TMEM164: variants seen among roughly 807,000 people sequenced by gnomAD.
TMEM164 encodes the protein transmembrane protein 164.
A neutral mutation model predicts 18.8 loss-of-function variants in TMEM164; 4 were observed. The observed-to-expected ratio is 0.21, with a 90% CI of 0.10 to 0.49. The LOEUF is 0.49. TMEM164 is among the 20% of genes least tolerant of loss of function. The pLI is 0.98. For synonymous variants in TMEM164, 86 were observed against 101.7 expected, an observed-to-expected ratio of 0.85 and a Z score of 0.93; for missense variants, 108 against 239.9, an observed-to-expected ratio of 0.45 and a Z score of 3.63.
intron 4 of TMEM164, among the ~76,000 whole-genome samples, chrX:110,128,091 G>A (rs2066560781): frequency 8.9e-6 from 1 of 112,519 alleles, no homozygotes; most frequent in Non-Finnish European, 1.9e-5. Context: ...AGACCTATAA[G>A]TCTCAACTAA....
At chrX:110,022,779 C>A (rs749464867) in intron 2 of TMEM164, among the ~76,000 whole-genome samples, 2 of 112,239 alleles carry the variant, frequency 1.8e-5, no homozygotes, top group Non-Finnish European at 1.9e-5. Flanking sequence ...AACTTATTAT[C>A]AAGGCTCATT....
In TMEM164 at chrX:110,024,689, G is replaced by C. The variant is rs192107391; in HGVS notation, c.390+20525G>C. 2.8e-3 allele frequency among the ~76,000 whole-genome samples: 310 copies of C among 112,116 alleles called. 3 individuals carry two copies. Among genetic ancestry groups the C allele is most frequent in the African/African-American group, 1.0e-2 (308 of 30,868 alleles). On this transcript the variant is annotated intron_variant, in intron 2 of 6. Coordinates refer to ENST00000372068, the MANE Select transcript of TMEM164 (RefSeq NM_032227.4). The stretch of plus-strand genomic sequence containing the variant: ...AGGGCACTTAAATACGAGATGCCAT[G>C]TTTTATGGCTCTGTGTGAGAATTAG...
chrX:110,025,198 G>A (rs1254158374), intron 2 of TMEM164, among the ~76,000 whole-genome samples: 2 of 111,429 alleles, frequency 1.8e-5, no homozygotes, highest in Non-Finnish European at 3.8e-5. Flanking sequence ...CTATTAGAAG[G>A]AACAAAATTA....
chrX:110,033,163 G>A (rs73636932), intron 2 of TMEM164, among the ~76,000 whole-genome samples: 3,985 of 111,338 alleles, frequency 0.036, 164 homozygotes, highest in African/African-American at 0.12. Context: ...CTAACCAATA[G>A]AAGACAATAT....
intron 4 of TMEM164, among the ~76,000 whole-genome samples, chrX:110,138,932 A>C (rs1490252472): frequency 2.7e-5 from 3 of 111,799 alleles, no homozygotes; most frequent in East Asian, 2.8e-4. Flanking sequence ...CCTCAACAAA[A>C]GCAATTTGAG....
chrX:110,039,671 G>A (rs1161005984), intron 2 of TMEM164, among the ~76,000 whole-genome samples: 1 of 112,348 alleles, frequency 8.9e-6, no homozygotes, highest in African/African-American at 3.2e-5. Context: ...CCATACTTAA[G>A]CATCATGTTC....
At chrX:110,006,574 A>G (rs1006714706) in intron 2 of TMEM164, among the ~76,000 whole-genome samples, 6 of 110,935 alleles carry the variant, frequency 5.4e-5, no homozygotes, top group African/African-American at 2.0e-4. Context: ...ATGGATTTTT[A>G]AAAGTTGATG....
At chrX:110,044,094 C>T (rs1935208460) in intron 2 of TMEM164, among the ~76,000 whole-genome samples, 1 of 112,163 alleles carries the variant, frequency 8.9e-6, no homozygotes, top group Non-Finnish European at 1.9e-5. Context: ...CTATACTTTC[C>T]ATTTCTCCCC....
chrX:110,040,481 G>C (rs1018216710), intron 2 of TMEM164, among the ~76,000 whole-genome samples: 36 of 111,872 alleles, frequency 3.2e-4, no homozygotes, highest in African/African-American at 1.2e-3. Context: ...CAGCAACTCA[G>C]CGAGTTCCAT....
chrX:110,117,613 A>G (rs2066389347), intron 4 of TMEM164, among the ~76,000 whole-genome samples: 1 of 112,273 alleles, frequency 8.9e-6, no homozygotes, highest in African/African-American at 3.2e-5. Context: ...TGTATCAATA[A>G]AAGGAAAAAG....
intron 2 of TMEM164, among the ~76,000 whole-genome samples, chrX:110,039,994 C>T (rs750229516): frequency 7.2e-5 from 8 of 111,441 alleles, no homozygotes; most frequent in Non-Finnish European, 1.3e-4. Context: ...TCCATGTCTA[C>T]TGCCCTAATG....
chrX:110,110,067 C>A (rs1216705646), intron 4 of TMEM164, among the ~76,000 whole-genome samples: 1 of 111,425 alleles, frequency 9.0e-6, no homozygotes, highest in African/African-American at 3.3e-5. Context: ...GTAGACAGGG[C>A]AAGAATTATG....
chrX:110,150,297 C>T (rs2066921419), intron 5 of TMEM164, among the ~76,000 whole-genome samples: 1 of 111,594 alleles, frequency 9.0e-6, no homozygotes, highest in Admixed American at 9.5e-5. Flanking sequence ...TACAACAGCA[C>T]TGTGGCAATG....
At chrX:110,065,968 C>T (rs1351925983) in intron 2 of TMEM164, among the ~76,000 whole-genome samples, 1 of 111,958 alleles carries the variant, frequency 8.9e-6, no homozygotes, top group Non-Finnish European at 1.9e-5. Context: ...AGATTGTGGA[C>T]CTGTAATTAT....
chrX:110,139,965 G>A (rs1321823895), intron 4 of TMEM164, among the ~76,000 whole-genome samples: 1 of 111,418 alleles, frequency 9.0e-6, no homozygotes, highest in Non-Finnish European at 1.9e-5. Flanking sequence ...AACAGTAACT[G>A]GTGTGACCAT....
intron 2 of TMEM164, among the ~76,000 whole-genome samples, chrX:110,037,984 ATTTTTTTTTTTTTT>A (rs1036705725): frequency 1.4e-5 from 1 of 72,712 alleles, no homozygotes; most frequent in Non-Finnish European, 2.5e-5. Context: ...CTTTGGACTC[ATTTTTTTTTTTTTT>A]TTTTTTTTTT....
At chrX:110,124,204 CAGGCAGGA>C (rs1371067745) in intron 4 of TMEM164, among the ~76,000 whole-genome samples, 2 of 109,097 alleles carry the variant, frequency 1.8e-5, no homozygotes, top group Admixed American at 9.8e-5. Context: ...GGCAGGCAGG[CAGGCAGGA>C]AGGCAGGAAG....
chrX:110,085,342 T>A (rs1279241317), intron 3 of TMEM164, among the ~76,000 whole-genome samples: 40 of 104,076 alleles, frequency 3.8e-4, no homozygotes, highest in African/African-American at 1.3e-3. Context: ...AAAAAATATA[T>A]ATATATATAT....
At chrX:110,171,943 A>C (rs761739589) in intron 6 of TMEM164, among the ~76,000 whole-genome samples, 2 of 112,279 alleles carry the variant, frequency 1.8e-5, no homozygotes, top group African/African-American at 3.2e-5. Flanking sequence ...CTTCATGGCC[A>C]GTGAAGTGTG....
Sources: gnomAD v4.1 joint callset for allele counts (sites outside exome capture counted in the v4.1 genomes callset) on GRCh38, gnomAD v4.1.1 for gene constraint, MANE v1.5 for transcripts, NCBI Gene and HGNC (gene_info 2026-07-23, HGNC 2026-07-21) for gene names.